The following DENND10 variants were observed in gnomAD, a reference collection of about 807,000 sequenced individuals.
DENND10 encodes the protein DENN domain-containing protein 10.
In DENND10, 24 loss-of-function variants were observed where a neutral mutation model predicts 43.6. The observed-to-expected ratio is 0.55, with a 90% CI of 0.40 to 0.77. The LOEUF (loss-of-function observed/expected upper bound fraction) is 0.77. DENND10 is among the 30% of genes least tolerant of loss of function. The probability of loss-of-function intolerance (pLI) is 0.00; values close to 1 mark genes in which losing one functional copy is unlikely to be tolerated. For synonymous variants in DENND10, 125 were observed against 157.6 expected, an observed-to-expected ratio of 0.79 and a Z score of 1.55; for missense variants, 303 against 429.9, an observed-to-expected ratio of 0.70 and a Z score of 2.61.
intron 1 of DENND10, among the ~76,000 whole-genome samples, chr10:119,104,489 GGTTGCCCGGCGGAGC>G (rs1844587252): frequency 6.6e-6 from 1 of 150,874 alleles, no homozygotes; most frequent in Non-Finnish European, 1.5e-5. Context: ...GCACGCCCCG[GGTTGCCCGGCGGAGC>G]CGGGACGTCG....
At chr10:119,117,332 G>A (rs12774592) in intron 3 of DENND10, among the ~76,000 whole-genome samples, 187 bp from the exon 4 acceptor site, 57,705 of 151,474 alleles carry the variant, frequency 0.38, 11,165 homozygotes, top group Non-Finnish European at 0.4. Context: ...AGATTGCACC[G>A]TTGCACTCCA....
chr10:119,112,113 G>C (rs947186457), intron 3 of DENND10, among the ~76,000 whole-genome samples, 185 bp downstream of exon 3: 4 of 152,226 alleles, frequency 2.6e-5, no homozygotes, highest in African/African-American at 9.6e-5. Flanking sequence ...TCTCTTATTT[G>C]GGTAAATGAT....
chr10:119,106,653 A>G (rs1421697235), intron 1 of DENND10, among the ~76,000 whole-genome samples: 1 of 152,222 alleles, frequency 6.6e-6, no homozygotes, highest in Non-Finnish European at 1.5e-5. Flanking sequence ...AATTTTAAAT[A>G]CAAAATTCAC....
At chr10:119,129,858 T>G (rs1294698189) in intron 7 of DENND10, among the ~76,000 whole-genome samples, 7 of 152,258 alleles carry the variant, frequency 4.6e-5, no homozygotes, top group Admixed American at 4.6e-4. Flanking sequence ...TCATCTTGTT[T>G]CACTACTTTT....
chr10:119,121,196 C>T (rs1487374598), intron 5 of DENND10, among the ~76,000 whole-genome samples: 3 of 152,110 alleles, frequency 2.0e-5, no homozygotes, highest in Non-Finnish European at 2.9e-5. Flanking sequence ...CTGCCAGGCC[C>T]TGTCCCCTCT....
intron 8 of DENND10, chr10:119,134,375 G>C (rs911597032): frequency 1.6e-5 from 2 of 127,430 alleles, no homozygotes; most frequent in African/African-American, 6.0e-5. Context: ...TTTGGAGACA[G>C]AGTCTCGCTC....
At chr10:119,136,340 C>T (rs1490264095) in intron 8 of DENND10, 131 bp from the exon 9 acceptor site, 73 of 1,041,142 alleles carry the variant, frequency 7.0e-5, no homozygotes, top group Non-Finnish European at 9.2e-5. Flanking sequence ...GGATTACAGG[C>T]ATGAGCCACC....
rs1279995319 is a variant in DENND10, at chr10:119,112,856, GT to G, written c.332+939del. 5.8e-3 allele frequency among the ~76,000 whole-genome samples: 835 copies of G among 143,252 alleles called. 8 individuals are homozygous for G. Among genetic ancestry groups the G allele is most frequent in the African/African-American group, 0.019 (750 of 39,306 alleles). The allele number at this position is 143,252 out of a possible 152,430, so 94.0% of individuals were successfully genotyped here. ...GCTTTTGCAGAGTTTTATTTATTAT[GT>G]TTTTTTTTTTGAGACAGAGTCTCCC... is the stretch of plus-strand genomic sequence containing the variant. On this transcript the variant is annotated intron_variant, in intron 3 of 8. Coordinates refer to ENST00000361432, the MANE Select transcript of DENND10 (RefSeq NM_207009.4).
intron 3 of DENND10, chr10:119,114,147 T>G (rs1589720869): frequency 1.3e-5 from 2 of 152,160 alleles, no homozygotes; most frequent in East Asian, 3.8e-4. Context: ...GGATTTCTTC[T>G]CCCGTCACAG....
chr10:119,122,527 C>T (rs913626170), intron 5 of DENND10, among the ~76,000 whole-genome samples: 3 of 152,124 alleles, frequency 2.0e-5, no homozygotes, highest in African/African-American at 7.2e-5. Flanking sequence ...TCACCCTGCC[C>T]TCTCTGGGTC....
intron 1 of DENND10, 59 bp downstream of exon 1, chr10:119,104,256 T>TCGGCCCGGGG (rs1276706358): frequency 6.9e-7 from 1 of 1,451,470 alleles, no homozygotes; most frequent in Non-Finnish European, 9.2e-7. Flanking sequence ...CTGCTCCACC[T>TCGGCCCGGGG]CGGCCCGGGG....
rs1290634250 is a variant in DENND10, at chr10:119,132,466, A to C, written c.803-49A>C. On this transcript the variant is annotated intron_variant, in intron 7 of 8. Coordinates refer to ENST00000361432, the MANE Select transcript of DENND10 (RefSeq NM_207009.4). The surrounding 1 kb of genome is among the most constrained non-coding windows in gnomAD (Gnocchi z 4.2). The stretch of plus-strand genomic sequence containing the variant: ...TCCAAGTTTTCAGATAGATGGCATG[A>C]TTATTTTTTATGTCGATTTCTAAAT... The C allele has an allele frequency of 6.7e-7, 1 of 1,497,348 alleles. No homozygotes were observed. Among genetic ancestry groups the C allele is most frequent in the Non-Finnish European group, 9.3e-7 (1 of 1,074,832 alleles). The allele number at this position is 1,497,348 out of a possible 1,614,324, so 92.8% of individuals were successfully genotyped here. A position where few individuals can be genotyped will look rare whatever the true frequency, so the allele number is the denominator to read the frequency against.
intron 8 of DENND10, among the ~76,000 whole-genome samples, chr10:119,135,997 G>A (rs1846338037): frequency 6.6e-6 from 1 of 151,886 alleles, no homozygotes; most frequent in African/African-American, 2.4e-5. Flanking sequence ...GCAACATGGT[G>A]AAACCCCATC....
chr10:119,126,983 C>G (rs1179325988), intron 6 of DENND10, among the ~76,000 whole-genome samples: 1 of 151,334 alleles, frequency 6.6e-6, no homozygotes, highest in Middle Eastern at 3.2e-3. Flanking sequence ...ATTGCAACCT[C>G]CACTTCCTGG....
intron 2 of DENND10, among the ~76,000 whole-genome samples, chr10:119,108,634 A>C (rs1199142658): frequency 3.9e-5 from 6 of 152,004 alleles, no homozygotes; most frequent in Non-Finnish European, 8.8e-5. Flanking sequence ...CAGTACAGCA[A>C]TATGTGGTCT....
intron 8 of DENND10, among the ~76,000 whole-genome samples, chr10:119,135,791 T>TAAAAAAAAAAAAAAAAAAAAAAAAAAAA (rs367836571): frequency 1.1e-4 from 7 of 64,020 alleles, no homozygotes; most frequent in African/African-American, 1.8e-4. Flanking sequence ...ACTAAAATTG[T>TAAAAAAAAAAAAAAAAAAAAAAAAAAAA]AAAAAAAAAA....
At chr10:119,113,500 T>TA (rs11447507) in intron 3 of DENND10, among the ~76,000 whole-genome samples, 81,057 of 148,418 alleles carry the variant, frequency 0.55, 22,358 homozygotes, top group Middle Eastern at 0.68. Flanking sequence ...CCTAGCCCTT[T>TA]AAAAAAAAAA....
chr10:119,128,562 C>A (rs1393457998), intron 6 of DENND10, among the ~76,000 whole-genome samples: 1 of 150,234 alleles, frequency 6.7e-6, no homozygotes, highest in Non-Finnish European at 1.5e-5. Flanking sequence ...GAGCCGAGAT[C>A]ATGCTACTGC....
chr10:119,120,403 AG>A lies in DENND10; in HGVS notation c.545del (p.Arg182LysfsTer9). 6.2e-7 allele frequency: 1 copy of A among 1,613,480 alleles called. No homozygotes were observed. The highest frequency in any genetic ancestry group is 8.5e-7 in the Non-Finnish European group (1 of 1,179,348). Reference sequence around the variant, plus strand: ...ACACACAGCACTGATGCTAAAGAAAAGAATTGTGGTGTATCACCCCAAGATA... The same window carrying A: ...ACACACAGCACTGATGCTAAAGAAAAAATTGTGGTGTATCACCCCAAGATA... ...ILHTALMLKK[R>X]IVVYHPKIEA... On this transcript the variant is annotated frameshift_variant, in exon 5 of 9. Transcript: ENST00000361432. LOFTEE classifies it high-confidence loss of function.
Sources: gnomAD v4.1 joint callset for allele counts (sites outside exome capture counted in the v4.1 genomes callset) on GRCh38, gnomAD v4.1.1 for gene constraint, Gnocchi (gnomAD v3.1) non-coding constraint, MANE v1.5 for transcripts, NCBI Gene and HGNC (gene_info 2026-07-23, HGNC 2026-07-21) for gene names.